PNPLA6: variants seen among roughly 807,000 people sequenced by gnomAD.
PNPLA6 encodes the protein patatin-like phospholipase domain-containing protein 6.
A neutral mutation model predicts 153.7 loss-of-function variants in PNPLA6; 105 were observed. The observed-to-expected ratio is 0.68, with a 90% confidence interval of 0.58 to 0.80. The LOEUF is 0.80. PNPLA6 is among the 30% of genes least tolerant of loss of function. The pLI, the probability that PNPLA6 is intolerant of heterozygous loss-of-function variation, is 0.00. For synonymous variants in PNPLA6, 825 were observed against 822.2 expected (o/e 1.00, Z -0.06); for missense variants, 1,423 against 1,919.3 (o/e 0.74, Z 4.83).
In PNPLA6 at chr19:7,555,899, C is replaced by A; in HGVS notation, c.3093+136C>A. 1 of 945,122 alleles carries A rather than the reference C, an allele frequency of 1.1e-6. No individual in the cohort carries two copies. Among genetic ancestry groups the A allele is most frequent in the Non-Finnish European group, 1.6e-6 (1 of 609,594 alleles). The allele number at this position is 945,122 out of a possible 1,614,324, so 58.5% of individuals were successfully genotyped here. On this transcript the variant is annotated intron_variant, in intron 24 of 31. Coordinates refer to ENST00000600737, the MANE Select transcript of PNPLA6 (RefSeq NM_001166114.2). The surrounding 1 kb of genome is among the most constrained non-coding windows in gnomAD (Gnocchi z 6.3). ...ATTAAATCTATGATCCCCAGCTGTCCGGACTTTTATAGATAAGCTTCTAGG... is the reference window on the plus strand; with the variant it reads ...ATTAAATCTATGATCCCCAGCTGTCAGGACTTTTATAGATAAGCTTCTAGG...
chr19:7,550,592 C>G lies in PNPLA6; in HGVS notation c.2022C>G (p.Gly674=), dbSNP rs1325021698. The G allele has an allele frequency of 6.2e-7, 1 of 1,613,052 alleles. No homozygotes were observed. Among genetic ancestry groups the G allele is most frequent in the Non-Finnish European group, 8.5e-7 (1 of 1,179,912 alleles). ...GTAGCGTGATCCAGCGAGGCAGTGG[C>G]AAGAAGGAGCTGGTGGGCGAGTACG... ...RLRSVIQRGS[G]KKELVGEYGR... The change falls in exon 16 of 32, where the codon GGC becomes GGG. Residue 674 remains glycine (G), a synonymous_variant. Transcript: ENST00000600737.
At position 7,541,375 on chromosome 19, in the gene PNPLA6, C is replaced by A. The variant is rs1352475389; in HGVS notation, c.946C>A (p.Arg316=). 2.5e-6 allele frequency: 4 copies of A among 1,613,688 alleles called. No individual in the cohort carries two copies. Among genetic ancestry groups the A allele is most frequent in the Admixed American group, 3.3e-5 (2 of 59,978 alleles). ...VVQIIMVRLQ[R]VTFLALHNYL... is the part of the protein sequence containing the mutation. Reference sequence around the variant, plus strand: ...GCAGATCATCATGGTGCGGCTGCAGCGAGTCACCTTCCTGGCACTGCACAA... The same window carrying A: ...GCAGATCATCATGGTGCGGCTGCAGAGAGTCACCTTCCTGGCACTGCACAA... The change falls in exon 8 of 32, where the codon CGA becomes AGA. Residue 316 remains arginine, a synonymous_variant. Coordinates refer to ENST00000600737, the MANE Select transcript of PNPLA6 (RefSeq NM_001166114.2). The surrounding 1 kb of genome is among the most constrained non-coding windows in gnomAD (Gnocchi z 5.2).
intron 24 of PNPLA6, 21 bp from the exon 25 acceptor site, chr19:7,556,432 T>A: frequency 6.7e-7 from 1 of 1,482,606 alleles, no homozygotes; most frequent in African/African-American, 1.4e-5. Context: ...TATTTGACCC[T>A]GTCTGGCCCC....
chr19:7,558,940 G>T lies in PNPLA6; in HGVS notation c.3488G>T (p.Ser1163Ile). 6.2e-7 allele frequency: 1 copy of T among 1,614,216 alleles called. No homozygotes were observed. The highest frequency in any genetic ancestry group is 1.1e-5 in the South Asian group (1 of 91,090). The change falls in exon 28 of 32, where the codon AGC becomes ATC. Residue 1163 changes from serine (S) to isoleucine (I), a missense_variant. Transcript: ENST00000600737. ...ACGGACCTCAGCACCTACGGGGACAGCCTGTCCGGCTGGTGGCTGCTGTGG... is the reference window on the plus strand; with the variant it reads ...ACGGACCTCAGCACCTACGGGGACATCCTGTCCGGCTGGTGGCTGCTGTGG... ...DETDLSTYGD[S>I]LSGWWLLWKR...
At chr19:7,560,975 T>C in intron 29 of PNPLA6, 39 bp from the exon 30 acceptor site, 1 of 1,388,460 alleles carries the variant, frequency 7.2e-7, no homozygotes, top group Non-Finnish European at 1.0e-6. Flanking sequence ...CAAGACTCTG[T>C]GGGCCCCCCC....
intron 16 of PNPLA6, 114 bp from the exon 17 acceptor site, chr19:7,550,880 C>G: frequency 1.1e-6 from 1 of 939,352 alleles, no homozygotes; most frequent in Non-Finnish European, 1.6e-6. Flanking sequence ...GCTTGCTTCC[C>G]TACACCCCCA....
rs766796997 is a variant in PNPLA6 at position 7,557,246 on chromosome 19, AC to A, written c.3361del (p.Leu1121TyrfsTer54). The A allele has an allele frequency of 6.2e-7, 1 of 1,613,468 alleles. No homozygotes were observed. On this transcript the variant is annotated frameshift_variant, in exon 27 of 32. Coordinates refer to ENST00000600737, the MANE Select transcript of PNPLA6 (RefSeq NM_001166114.2). LOFTEE classifies it high-confidence loss of function. ...LPPLCDPKDG[H>X]LLMDGGYINN... ...CCGCTGTGCGACCCCAAGGACGGGC[AC>A]CTACTCATGGATGGCGGCTACATCA...
intron 1 of PNPLA6, 57 bp from the exon 2 acceptor site, chr19:7,536,134 C>T: frequency 2.0e-6 from 3 of 1,527,676 alleles, no homozygotes; most frequent in Non-Finnish European, 2.7e-6. Flanking sequence ...TACCCCAGCT[C>T]TGGCAGGGTG....
In PNPLA6 at chr19:7,554,582, G is replaced by T; in HGVS notation, c.2493G>T (p.Trp831Cys). 6.2e-7 allele frequency: 1 copy of T among 1,614,100 alleles called. No individual in the cohort carries two copies. Among genetic ancestry groups the T allele is most frequent in the Non-Finnish European group, 8.5e-7 (1 of 1,180,000 alleles). Residue 831 changes from tryptophan to cysteine, a missense_variant, in exon 21 of 32, where the codon TGG becomes TGT. Transcript: ENST00000600737. The stretch of plus-strand genomic sequence containing the variant: ...TCCAAGAGTTCCGGCTGTCAGGGTG[G>T]CTGGCCCAGCAGGAGGATGCACACC... Reference protein sequence around the residue: ...DSIQEFRLSGWLAQQEDAHRI... With the variant: ...DSIQEFRLSGCLAQQEDAHRI...
At chr19:7,550,263 G>A in intron 14 of PNPLA6, 35 bp from the exon 15 acceptor site, 1 of 1,612,878 alleles carries the variant, frequency 6.2e-7, no homozygotes, top group Non-Finnish European at 8.5e-7. Flanking sequence ...ACGGTTTTGA[G>A]GCCTTCCTCT....
chr19:7,541,260 C>T lies in PNPLA6; in HGVS notation c.925-94C>T. The T allele has an allele frequency of 1.6e-6, 2 of 1,229,038 alleles. No homozygotes were observed. The highest frequency in any genetic ancestry group is 2.3e-6 in the Non-Finnish European group (2 of 855,178). The allele number at this position is 1,229,038 out of a possible 1,614,324, so 76.1% of individuals were successfully genotyped here. On this transcript the variant is annotated intron_variant, in intron 7 of 31. Transcript: ENST00000600737. This position sits in a 1 kb window ranked among gnomAD's most constrained non-coding sequence, Gnocchi z 5.2. ...ACTGTGGGTCTCTCCCTGGTTCCCG[C>T]CCGACCCCTTATGCTGCGAACTAGC...
intron 13 of PNPLA6, among the ~76,000 whole-genome samples, chr19:7,545,759 A>C (rs915278334): frequency 8.6e-5 from 13 of 151,898 alleles, no homozygotes; most frequent in African/African-American, 4.8e-5. Context: ...TAAAAATTCA[A>C]AAATTAGTCA....
chr19:7,556,985 C>A, intron 26 of PNPLA6, 183 bp from the exon 27 acceptor site: 1 of 729,750 alleles, frequency 1.4e-6, no homozygotes, highest in Non-Finnish European at 2.5e-6. Context: ...GGCGTTACGT[C>A]CGGGCCAGCG....
intron 19 of PNPLA6, 85 bp downstream of exon 19, chr19:7,554,100 G>A: frequency 6.3e-7 from 1 of 1,590,822 alleles, no homozygotes; most frequent in Non-Finnish European, 8.6e-7. Context: ...TCATTTGGGG[G>A]GTGGAGGGGA....
At chr19:7,546,196 G>A (rs1197034082) in intron 13 of PNPLA6, among the ~76,000 whole-genome samples, 1 of 152,108 alleles carries the variant, frequency 6.6e-6, no homozygotes, top group Non-Finnish European at 1.5e-5. Context: ...TGCAAATGTT[G>A]TGTGGTGGGA....
In PNPLA6 at chr19:7,540,874, G is replaced by C. The variant is rs1286677539; in HGVS notation, c.796-49G>C. 2.5e-6 allele frequency: 4 copies of C among 1,611,474 alleles called. No homozygotes were observed. In the Admixed American group the frequency reaches 6.7e-5, roughly 27 times the overall value. Reference sequence around the variant, plus strand: ...GAAGGATTAGGGGAGTAGCGAGGGGGACTCGCAGCCTCTGCCCTTGTCTCT... The same window carrying C: ...GAAGGATTAGGGGAGTAGCGAGGGGCACTCGCAGCCTCTGCCCTTGTCTCT... On this transcript the variant is annotated intron_variant, in intron 6 of 31. Transcript: ENST00000600737. The surrounding 1 kb of genome is among the most constrained non-coding windows in gnomAD (Gnocchi z 6.8).
intron 3 of PNPLA6, among the ~76,000 whole-genome samples, chr19:7,538,082 T>TTCATGAGC (rs2146043901): frequency 6.6e-6 from 1 of 152,278 alleles, no homozygotes; most frequent in East Asian, 1.9e-4. Context: ...CCCTGATATC[T>TTCATGAGC]TCATGATTGT....
At position 7,555,532 on chromosome 19, in the gene PNPLA6, G is replaced by A; in HGVS notation, c.2937-75G>A. 5 of 1,532,200 alleles carry A rather than the reference G, an allele frequency of 3.3e-6. No individual in the cohort carries two copies. The highest frequency in any genetic ancestry group is 4.5e-6 in the Non-Finnish European group (5 of 1,121,714). 94.9% of individuals were successfully genotyped at this position (1,532,200 alleles called of 1,614,324 possible). ...TCCTTTGTTCCTTAGCAGTGCGGGA[G>A]GTGGGAGGAGGTAGGGGCAGGGGAG... On this transcript the variant is annotated intron_variant, in intron 23 of 31. Coordinates refer to ENST00000600737, the MANE Select transcript of PNPLA6 (RefSeq NM_001166114.2). This position sits in a 1 kb window ranked among gnomAD's most constrained non-coding sequence, Gnocchi z 6.3.
In PNPLA6 at chr19:7,540,710, C is replaced by G. The variant is rs752370155; in HGVS notation, c.795C>G (p.Thr265=). 1.2e-6 allele frequency: 2 copies of G among 1,611,874 alleles called. No homozygotes were observed. The highest frequency in any genetic ancestry group is 2.2e-5 in the South Asian group (2 of 91,042). The change falls in exon 6 of 32, where the codon ACC becomes ACG. Residue 265 remains threonine (T), a splice_region_variant and synonymous_variant. Transcript: ENST00000600737. This position sits in a 1 kb window ranked among gnomAD's most constrained non-coding sequence, Gnocchi z 6.8. Reference sequence around the variant, plus strand: ...TTCTCAGCATCCTGGATGTCATCACCGTGAGTGACCAGTTTCTGAGGCAGG... The same window carrying G: ...TTCTCAGCATCCTGGATGTCATCACGGTGAGTGACCAGTTTCTGAGGCAGG... ...NSLLSILDVI[T]GHQHPQRTVS...
Sources: gnomAD v4.1 joint callset for allele counts (sites outside exome capture counted in the v4.1 genomes callset) on GRCh38, gnomAD v4.1.1 for gene constraint, Gnocchi (gnomAD v3.1) non-coding constraint, MANE v1.5 for transcripts, NCBI Gene and HGNC (gene_info 2026-07-23, HGNC 2026-07-21) for gene names.